EML1: variants seen among roughly 807,000 people sequenced by gnomAD.
The protein encoded by EML1 is echinoderm microtubule-associated protein-like 1.
Under a neutral mutation model 110.4 loss-of-function variants are expected in EML1, and 27 were observed. That is an observed-to-expected ratio of 0.24 (90% CI 0.18 to 0.34). EML1 has a LOEUF of 0.34. Among genes scored for constraint, EML1 ranks in the 10% least tolerant of loss-of-function variants. The probability of loss-of-function intolerance (pLI) is 1.00; values close to 1 mark genes in which losing one functional copy is unlikely to be tolerated. For synonymous variants in EML1, 344 were observed against 385.8 expected, an observed-to-expected ratio of 0.89 and a Z score of 1.27; for missense variants, 741 against 1,030.9, an observed-to-expected ratio of 0.72 and a Z score of 3.85.
chr14:99,845,435 A>G (rs751912410), intron 1 of EML1, among the ~76,000 whole-genome samples: 36 of 152,230 alleles, frequency 2.4e-4, no homozygotes, highest in Non-Finnish European at 4.0e-4. Context: ...AGAAACAGAA[A>G]AAAGAGGACG....
At chr14:99,756,837 G>A (rs867629951) in intron 1 of EML1, among the ~76,000 whole-genome samples, 25 of 152,078 alleles carry the variant, frequency 1.6e-4, no homozygotes, top group Admixed American at 8.5e-4. Flanking sequence ...CCCCTCTCAC[G>A]TCCCCTTTCC....
intron 1 of EML1, among the ~76,000 whole-genome samples, chr14:99,820,869 G>A (rs949492725): frequency 2.0e-5 from 3 of 152,058 alleles, no homozygotes; most frequent in African/African-American, 7.2e-5. Context: ...AGGCCCGGTG[G>A]CAGATTTCAG....
chr14:99,853,998 A>AT (rs1053735710), intron 2 of EML1, among the ~76,000 whole-genome samples: 6 of 151,976 alleles, frequency 3.9e-5, no homozygotes, highest in African/African-American at 1.5e-4. Flanking sequence ...ATATCAAATG[A>AT]TTTTTTCCCC....
At chr14:99,907,310 T>G in intron 9 of EML1, 1 of 243,910 alleles carries the variant, frequency 4.1e-6, no homozygotes, top group Non-Finnish European at 7.8e-6. Flanking sequence ...CAAATAATAA[T>G]AATAAAGAGT....
chr14:99,912,348 G>A (rs1168868091), intron 13 of EML1, among the ~76,000 whole-genome samples: 2 of 151,978 alleles, frequency 1.3e-5, no homozygotes, highest in Non-Finnish European at 2.9e-5. Flanking sequence ...TTATCTACTT[G>A]GCAGCCCTGC....
At chr14:99,902,815 G>A (rs908876179) in intron 9 of EML1, among the ~76,000 whole-genome samples, 1 of 152,178 alleles carries the variant, frequency 6.6e-6, no homozygotes, top group Non-Finnish European at 1.5e-5. Flanking sequence ...CTGTGAGAAA[G>A]TGACATTCTT....
chr14:99,821,109 A>C (rs2058254420), intron 1 of EML1, among the ~76,000 whole-genome samples: 2 of 151,338 alleles, frequency 1.3e-5, no homozygotes, highest in African/African-American at 4.9e-5. Flanking sequence ...TGCAGACTCA[A>C]GCACCTGGGC....
chr14:99,770,366 A>T (rs2057410896), upstream of EML1, among the ~76,000 whole-genome samples: 1 of 101,766 alleles, frequency 9.8e-6, no homozygotes, highest in South Asian at 2.8e-4. Context: ...GTGTCTTTTT[A>T]AAAAATTTCT....
intron 3 of EML1, among the ~76,000 whole-genome samples, chr14:99,872,004 A>G (rs571493592): frequency 2.6e-5 from 4 of 152,334 alleles, no homozygotes; most frequent in African/African-American, 9.6e-5. Flanking sequence ...ACATCTGCTC[A>G]GGAAAAACGC....
In EML1 at chr14:99,940,576, T is replaced by C. The variant is rs999298134; in HGVS notation, c.*464T>C. ...AAAAGGACAGATCACTTCAGAAGAG[T>C]GAATAACTGATTTGCACAGCTGAAT... On this transcript the variant is annotated 3_prime_UTR_variant, in exon 22 of 22. Coordinates refer to ENST00000262233, the MANE Select transcript of EML1 (RefSeq NM_004434.3). 1.3e-5 allele frequency: 2 copies of C among 151,978 alleles called. No homozygotes were observed. Among genetic ancestry groups the C allele is most frequent in the African/African-American group, 4.8e-5 (2 of 41,256 alleles). 9.4% of individuals were successfully genotyped at this position (151,978 alleles called of 1,614,324 possible).
At chr14:99,861,242 C>G (rs1490119614) in intron 2 of EML1, among the ~76,000 whole-genome samples, 2 of 152,180 alleles carry the variant, frequency 1.3e-5, no homozygotes, top group Admixed American at 6.5e-5. Flanking sequence ...GTGGAGTAGA[C>G]AGACTATTGG....
At chr14:99,932,612 A>T in intron 17 of EML1, among the ~76,000 whole-genome samples, 1 of 148,314 alleles carries the variant, frequency 6.7e-6, no homozygotes, top group African/African-American at 2.5e-5. Flanking sequence ...GCACCATTGC[A>T]CTCCAGCCTG....
At chr14:99,826,532 G>C (rs2058362021) in intron 1 of EML1, among the ~76,000 whole-genome samples, 1 of 152,152 alleles carries the variant, frequency 6.6e-6, no homozygotes, top group Non-Finnish European at 1.5e-5. Flanking sequence ...GCCCAAGTTT[G>C]ATCACCGGAG....
rs776402783 is a variant in EML1 at position 99,865,602 on chromosome 14, C to A, written c.339C>A (p.Ser113=). Residue 113 remains serine, a synonymous_variant, in exon 3 of 22, where the codon TCC becomes TCA. Coordinates refer to ENST00000262233, the MANE Select transcript of EML1 (RefSeq NM_004434.3). ...AGAAACCTACTGGCTCTCTACCATCCCCCTCCGGGGTCAGGAAAGAAACTG... is the reference window on the plus strand; with the variant it reads ...AGAAACCTACTGGCTCTCTACCATCACCCTCCGGGGTCAGGAAAGAAACTG... The part of the protein sequence containing the change: ...LPKKPTGSLP[S]PSGVRKETAV... 1.2e-6 allele frequency: 2 copies of A among 1,614,168 alleles called. No individual in the cohort carries two copies. The highest frequency in any genetic ancestry group is 1.7e-6 in the Non-Finnish European group (2 of 1,180,028).
intron 1 of EML1, among the ~76,000 whole-genome samples, chr14:99,844,677 C>T (rs771936360): frequency 6.6e-6 from 1 of 152,150 alleles, no homozygotes; most frequent in Non-Finnish European, 1.5e-5. Flanking sequence ...TCAAAATTCC[C>T]TTGTGCAGTG....
chr14:99,894,292 A>G (rs1445834022), intron 5 of EML1, among the ~76,000 whole-genome samples: 1 of 152,184 alleles, frequency 6.6e-6, no homozygotes, highest in Non-Finnish European at 1.5e-5. Context: ...TGTTAGTTGA[A>G]TTTTGGGGGT....
At chr14:99,787,268 C>CTTTTTTT (rs34680462) in intron 1 of EML1, among the ~76,000 whole-genome samples, 6 of 101,608 alleles carry the variant, frequency 5.9e-5, no homozygotes, top group Admixed American at 1.1e-4. Context: ...CTCTGAGATT[C>CTTTTTTT]TTTTTTTTTT....
upstream of EML1, among the ~76,000 whole-genome samples, chr14:99,770,423 T>G (rs976522158): frequency 1.6e-5 from 2 of 124,356 alleles, no homozygotes; most frequent in Non-Finnish European, 3.5e-5. Context: ...TATTTTGACC[T>G]GCATGAAGAG....
At chr14:99,761,465 G>A (rs961693043) in intron 1 of EML1, among the ~76,000 whole-genome samples, 10 of 152,182 alleles carry the variant, frequency 6.6e-5, no homozygotes, top group African/African-American at 1.7e-4. Context: ...ACTGGGAGGC[G>A]CCTGGCTGCC....
Sources: gnomAD v4.1 joint callset for allele counts (sites outside exome capture counted in the v4.1 genomes callset) on GRCh38, gnomAD v4.1.1 for gene constraint, MANE v1.5 for transcripts, NCBI Gene and HGNC (gene_info 2026-07-23, HGNC 2026-07-21) for gene names.